Variants in TTC28 observed in about 807,000 individuals in gnomAD.
The protein encoded by TTC28 is tetratricopeptide repeat domain 28, also known as tetratricopeptide repeat protein 28.
Under a neutral mutation model 198.0 loss-of-function variants are expected in TTC28, and 61 were observed. That is an observed-to-expected ratio of 0.31 (90% CI 0.25 to 0.38). The LOEUF is 0.38. TTC28 is among the 10% of genes least tolerant of loss of function. TTC28 has a pLI of 1.00. For missense variants in TTC28, 2,678 were observed against 3,164.0 expected, an observed-to-expected ratio of 0.85 and a Z score of 3.69; for synonymous variants, 1,171 against 1,297.8, an observed-to-expected ratio of 0.90 and a Z score of 2.10.
intron 17 of TTC28, chr22:27,994,679 G>A (rs1263128433): frequency 6.6e-6 from 1 of 152,216 alleles, no homozygotes; most frequent in East Asian, 1.9e-4. Flanking sequence ...CTTGACCCAT[G>A]GCCCCCACAC....
At chr22:28,203,798 C>T (rs1926170988) in intron 5 of TTC28, among the ~76,000 whole-genome samples, 2 of 152,050 alleles carry the variant, frequency 1.3e-5, no homozygotes, top group South Asian at 2.1e-4. Context: ...AATAAAAATG[C>T]TAAACTCAGG....
chr22:28,018,315 G>C (rs1386631603), intron 13 of TTC28, among the ~76,000 whole-genome samples: 1 of 146,244 alleles, frequency 6.8e-6, no homozygotes, highest in Non-Finnish European at 1.5e-5. Flanking sequence ...GCGGGGGGGG[G>C]GGCGGGGAAC....
At chr22:28,663,422 G>A (rs1031609038) in intron 1 of TTC28, among the ~76,000 whole-genome samples, 1 of 147,334 alleles carries the variant, frequency 6.8e-6, no homozygotes, top group South Asian at 2.2e-4. Context: ...GACAGTGGGC[G>A]CAGGCCAGTG....
At chr22:27,990,069 C>T (rs1396002947) in intron 20 of TTC28, 62 bp from the exon 21 acceptor site, 2 of 1,518,458 alleles carry the variant, frequency 1.3e-6, no homozygotes, top group Non-Finnish European at 1.8e-6. Context: ...CACCTCAAGA[C>T]TCGACCCATT....
chr22:28,107,634 A>G lies in TTC28; in HGVS notation c.2211T>C (p.Tyr737=), dbSNP rs1942351521. 6.4e-7 allele frequency: 1 copy of G among 1,551,768 alleles called. No homozygotes were observed. Among genetic ancestry groups the G allele is most frequent in the East Asian group, 2.4e-5 (1 of 40,924 alleles). The change falls in exon 7 of 23, where the codon TAT becomes TAC. Residue 737 remains tyrosine (Y), a synonymous_variant. Transcript: ENST00000397906. ...KKDINGAIKF[Y]EQQLGLAHQV... ...GGTGAGCTAAGCCCAGTTGCTGCTC[A>G]TAGAATTTTATTGCACCATTTATAT... is the stretch of plus-strand genomic sequence containing the variant.
At chr22:28,637,015 T>TG (rs201829367) in intron 1 of TTC28, among the ~76,000 whole-genome samples, 2,256 of 145,776 alleles carry the variant, frequency 0.015, 79 homozygotes, top group African/African-American at 0.055. Flanking sequence ...TTTTTTTTTT[T>TG]TTTTTTTTTT....
At chr22:28,185,050 G>C (rs78058400) in intron 5 of TTC28, among the ~76,000 whole-genome samples, 12,546 of 152,180 alleles carry the variant, frequency 0.082, 564 homozygotes, top group African/African-American at 0.11. Context: ...GTCTGCGTAA[G>C]GATATAAAAG....
At position 28,163,549 on chromosome 22, in the gene TTC28, T is replaced by C. The variant is rs1374542573; in HGVS notation, c.984A>G (p.Gly328=). The C allele has an allele frequency of 1.3e-6, 2 of 1,551,370 alleles. No homozygotes were observed. The highest frequency in any genetic ancestry group is 1.7e-6 in the Non-Finnish European group (2 of 1,146,828). The change falls in exon 6 of 23, where the codon GGA becomes GGG. Residue 328 remains glycine, a synonymous_variant. Coordinates refer to ENST00000397906, the MANE Select transcript of TTC28 (RefSeq NM_001145418.2). Reference sequence around the variant, plus strand: ...GACTGGCCAGTGCATTGGGGTAGTCTCCAATGGCTGTGTACACGTGGCCCA... The same window carrying C: ...GACTGGCCAGTGCATTGGGGTAGTCCCCAATGGCTGTGTACACGTGGCCCA... ...SSLGHVYTAI[G]DYPNALASHK... is the part of the protein sequence containing the mutation.
chr22:28,630,429 T>C (rs1477310317), intron 1 of TTC28, among the ~76,000 whole-genome samples: 1 of 152,128 alleles, frequency 6.6e-6, no homozygotes, highest in African/African-American at 2.4e-5. Flanking sequence ...TTTTGAGTAG[T>C]TGGAAGCAGA....
intron 1 of TTC28, among the ~76,000 whole-genome samples, chr22:28,677,181 T>A (rs201195363): frequency 0.055 from 3,871 of 70,290 alleles, 213 homozygotes; most frequent in Non-Finnish European, 0.066. Flanking sequence ...AAAAAATATA[T>A]ATATATATAT....
rs543424782 is a variant in TTC28 at position 28,429,406 on chromosome 22, A to T, written c.382-122763T>A. 2.0e-5 allele frequency among the ~76,000 whole-genome samples: 3 copies of T among 152,358 alleles called. No individual in the cohort carries two copies. In the East Asian group the frequency reaches 5.8e-4, roughly 29 times the overall value. On this transcript the variant is annotated intron_variant, in intron 2 of 22. Transcript: ENST00000397906. ...GCACCTGGCATCAAGGGATATAGAA[A>T]TTCTAGCACTAACATACTTGCCTCG...
At position 27,999,197 on chromosome 22, in the gene TTC28, T is replaced by G; in HGVS notation, c.4462A>C (p.Asn1488His). 1 of 1,550,960 alleles carries G rather than the reference T, an allele frequency of 6.4e-7. No individual in the cohort carries two copies. Among genetic ancestry groups the G allele is most frequent in the Non-Finnish European group, 8.7e-7 (1 of 1,146,986 alleles). Reference protein sequence around the residue: ...SSTSMAAVIGNPKLPSAVMDR... With the variant: ...SSTSMAAVIGHPKLPSAVMDR... ...ATCACGGCCGATGGTAGCTTGGGGTTGCCGATGACAGCCGCCATGGATGTG... is the reference window on the plus strand; with the variant it reads ...ATCACGGCCGATGGTAGCTTGGGGTGGCCGATGACAGCCGCCATGGATGTG... The change falls in exon 16 of 23, where the codon AAC becomes CAC. Residue 1488 changes from asparagine (N) to histidine (H), a missense_variant. Around this residue, in one of 8 missense-constraint regions of TTC28, gnomAD observed 727 missense variants for 861.9 expected, o/e 0.84. Transcript: ENST00000397906.
intron 2 of TTC28, among the ~76,000 whole-genome samples, chr22:28,475,918 C>T (rs985024804): frequency 6.6e-6 from 1 of 152,100 alleles, no homozygotes; most frequent in African/African-American, 2.4e-5. Context: ...TAGTTTTTTT[C>T]CTACAATAAT....
intron 5 of TTC28, among the ~76,000 whole-genome samples, chr22:28,244,428 C>A (rs1341901006): frequency 6.6e-6 from 1 of 152,160 alleles, no homozygotes; most frequent in Non-Finnish European, 1.5e-5. Flanking sequence ...AATAATGTAT[C>A]TTGATTTTCT....
intron 2 of TTC28, among the ~76,000 whole-genome samples, chr22:28,522,121 A>C (rs2048920164): frequency 6.6e-6 from 1 of 152,258 alleles, no homozygotes; most frequent in African/African-American, 2.4e-5. Context: ...AAAACAAACA[A>C]GAGAATCACA....
At chr22:28,328,449 A>T (rs1388943019) in intron 2 of TTC28, among the ~76,000 whole-genome samples, 7 of 152,094 alleles carry the variant, frequency 4.6e-5, no homozygotes, top group African/African-American at 9.6e-5. Flanking sequence ...TCTTTAAAAA[A>T]ATATATAAAA....
rs796954055 is a variant in TTC28 at position 28,110,935 on chromosome 22, TA to T, written c.1442-2533del. Among the ~76,000 whole-genome samples the T allele has an allele frequency of 8.4e-3, 1,121 of 133,060 alleles. 2 individuals carry two copies. The highest frequency in any genetic ancestry group is 0.014 in the African/African-American group (501 of 35,748). 87.3% of individuals were successfully genotyped at this position (133,060 alleles called of 152,430 possible). On this transcript the variant is annotated intron_variant, in intron 6 of 22. Coordinates refer to ENST00000397906, the MANE Select transcript of TTC28 (RefSeq NM_001145418.2). ...GGGTGACAGAGTGAGACCCTGCCTT[TA>T]AAAAAAAAAAAAAAAAGTTAAGTTT...
chr22:27,993,603 G>A lies in TTC28; in HGVS notation c.5245-85C>T, dbSNP rs924478509. On this transcript the variant is annotated intron_variant, in intron 17 of 22. Coordinates refer to ENST00000397906, the MANE Select transcript of TTC28 (RefSeq NM_001145418.2). Reference sequence around the variant, plus strand: ...GCTTTGAGGGTACACAAAGCCCCAGGGTGAAGCCAGGCTGACTGCTGCAAC... The same window carrying A: ...GCTTTGAGGGTACACAAAGCCCCAGAGTGAAGCCAGGCTGACTGCTGCAAC... 5.1e-6 allele frequency: 7 copies of A among 1,360,474 alleles called. No homozygotes were observed. In the Admixed American group the frequency reaches 1.2e-4, roughly 24 times the overall value. The allele number at this position is 1,360,474 out of a possible 1,614,324, so 84.3% of individuals were successfully genotyped here.
intron 2 of TTC28, among the ~76,000 whole-genome samples, chr22:28,354,967 T>TC (rs1247201022): frequency 2.1e-3 from 210 of 101,596 alleles, no homozygotes; most frequent in African/African-American, 7.2e-3. Context: ...ATGCTATCCC[T>TC]CCCCCCTCCC....
Sources: gnomAD v4.1 joint callset for allele counts (sites outside exome capture counted in the v4.1 genomes callset) on GRCh38, gnomAD v4.1.1 for gene constraint, gnomAD v4.1.1 regional missense constraint, MANE v1.5 for transcripts, NCBI Gene and HGNC (gene_info 2026-07-23, HGNC 2026-07-21) for gene names.